The following FAF1 variants were observed in gnomAD, a reference collection of about 807,000 sequenced individuals.
FAF1 encodes FAS-associated factor 1.
Under a neutral mutation model 92.5 loss-of-function variants are expected in FAF1, and 25 were observed. That is an observed-to-expected ratio of 0.27 (90% CI 0.20 to 0.38). FAF1 has a LOEUF of 0.38. FAF1 is among the 10% of genes least tolerant of loss of function. FAF1 has a pLI of 1.00. For missense variants in FAF1, 636 were observed against 793.3 expected (o/e 0.80, Z 2.38); for synonymous variants, 234 against 273.2 (o/e 0.86, Z 1.42).
chr1:50,873,037 C>G (rs1557569067), intron 1 of FAF1, among the ~76,000 whole-genome samples: 1 of 152,196 alleles, frequency 6.6e-6, no homozygotes, highest in East Asian at 1.9e-4. Context: ...CTTTCAGCAA[C>G]CACTATCCTG....
chr1:50,503,252 A>G (rs1647014143), intron 15 of FAF1, among the ~76,000 whole-genome samples: 1 of 152,188 alleles, frequency 6.6e-6, no homozygotes, highest in South Asian at 2.1e-4. Flanking sequence ...AATACAGTAA[A>G]TGCCACTGAA....
intron 7 of FAF1, among the ~76,000 whole-genome samples, chr1:50,659,354 GAA>G (rs949764567): frequency 1.3e-5 from 2 of 152,174 alleles, no homozygotes; most frequent in Admixed American, 1.3e-4. Context: ...GGGAAAGAAA[GAA>G]GAGAGGGAAG....
chr1:50,887,329 C>T (rs1321741109), intron 1 of FAF1, among the ~76,000 whole-genome samples: 1 of 152,120 alleles, frequency 6.6e-6, no homozygotes, highest in African/African-American at 2.4e-5. Context: ...GGTAGGTTGC[C>T]TGTTCACTCT....
chr1:50,530,972 T>C (rs1421230192), intron 15 of FAF1, among the ~76,000 whole-genome samples: 1 of 152,182 alleles, frequency 6.6e-6, no homozygotes, highest in Non-Finnish European at 1.5e-5. Flanking sequence ...GGGAAAAAGT[T>C]ACACACTTGT....
intron 1 of FAF1, among the ~76,000 whole-genome samples, chr1:50,903,503 T>C (rs1379439804): frequency 2.0e-5 from 3 of 152,196 alleles, no homozygotes; most frequent in Non-Finnish European, 4.4e-5. Context: ...AATTAAATGA[T>C]GTATCTTTAG....
intron 7 of FAF1, among the ~76,000 whole-genome samples, chr1:50,693,280 A>G (rs1657019793): frequency 6.6e-6 from 1 of 152,134 alleles, no homozygotes; most frequent in Non-Finnish European, 1.5e-5. Context: ...GTGCATGTAG[A>G]TATCTAGTTG....
chr1:50,904,921 T>A (rs1644823823), intron 1 of FAF1, among the ~76,000 whole-genome samples: 2 of 151,876 alleles, frequency 1.3e-5, no homozygotes, highest in South Asian at 4.1e-4. Flanking sequence ...AGTTCTAGGG[T>A]ACTTGTGCAC....
chr1:50,550,134 G>A (rs1052219232), intron 13 of FAF1, among the ~76,000 whole-genome samples: 2 of 151,936 alleles, frequency 1.3e-5, no homozygotes, highest in Admixed American at 1.3e-4. Context: ...GGCAGACCAC[G>A]AGGTCAGGAG....
intron 13 of FAF1, among the ~76,000 whole-genome samples, chr1:50,542,451 C>A (rs549022324): frequency 2.0e-4 from 31 of 152,234 alleles, no homozygotes; most frequent in African/African-American, 6.3e-4. Flanking sequence ...CAGTTCAAAA[C>A]ATTAGAAGGA....
At chr1:50,589,742 T>C (rs755194660) in intron 9 of FAF1, among the ~76,000 whole-genome samples, 8 of 152,240 alleles carry the variant, frequency 5.3e-5, no homozygotes, top group African/African-American at 7.2e-5. Flanking sequence ...CATACCAAGA[T>C]ATCATTGCCA....
At chr1:50,784,369 AT>A (rs1367016791) in intron 4 of FAF1, among the ~76,000 whole-genome samples, 1 of 152,222 alleles carries the variant, frequency 6.6e-6, no homozygotes, top group Non-Finnish European at 1.5e-5. Context: ...AAATCAACAC[AT>A]AAAAATCAGC....
chr1:50,469,313 T>C (rs1646540796), intron 18 of FAF1: 3 of 152,208 alleles, frequency 2.0e-5, no homozygotes, highest in African/African-American at 7.2e-5. Flanking sequence ...AGACCTCATG[T>C]TCCCCATCTG....
intron 15 of FAF1, 108 bp from the exon 16 acceptor site, chr1:50,491,909 T>A (rs921791651): frequency 2.8e-5 from 21 of 748,354 alleles, no homozygotes; most frequent in Non-Finnish European, 4.2e-5. Flanking sequence ...AACTTATAAT[T>A]AAATAAGAGA....
At chr1:50,760,722 A>G (rs1239329918) in intron 4 of FAF1, among the ~76,000 whole-genome samples, 1 of 152,222 alleles carries the variant, frequency 6.6e-6, no homozygotes, top group Non-Finnish European at 1.5e-5. Flanking sequence ...CTAAATGCCC[A>G]CAAGAGAAAG....
chr1:50,795,337 C>T (rs146022206), intron 3 of FAF1, among the ~76,000 whole-genome samples: 23 of 152,360 alleles, frequency 1.5e-4, no homozygotes, highest in African/African-American at 4.6e-4. Flanking sequence ...AGCAATGCAT[C>T]TGTCAGGACC....
At chr1:50,461,301 T>C (rs1233857509) in intron 18 of FAF1, among the ~76,000 whole-genome samples, 1 of 152,186 alleles carries the variant, frequency 6.6e-6, no homozygotes, top group Non-Finnish European at 1.5e-5. Context: ...GTATCTAGCT[T>C]GGCAGTATGT....
At chr1:50,939,834 G>A (rs1645116452) in intron 1 of FAF1, among the ~76,000 whole-genome samples, 1 of 152,050 alleles carries the variant, frequency 6.6e-6, no homozygotes, top group Admixed American at 6.5e-5. Flanking sequence ...ATTTATTGAA[G>A]GTCATTTTGA....
chr1:50,606,384 A>C (rs1652402870), intron 8 of FAF1, among the ~76,000 whole-genome samples: 1 of 151,986 alleles, frequency 6.6e-6, no homozygotes, highest in Non-Finnish European at 1.5e-5. Flanking sequence ...ACAAATTTAA[A>C]TTATAAAGAG....
chr1:50,835,793 GGTAAGA>G (rs1345321544), intron 2 of FAF1, among the ~76,000 whole-genome samples: 1 of 152,018 alleles, frequency 6.6e-6, no homozygotes, highest in Non-Finnish European at 1.5e-5. Flanking sequence ...GAGCCAATTA[GGTAAGA>G]GTATAGTAAT....
Sources: gnomAD v4.1 joint callset for allele counts (sites outside exome capture counted in the v4.1 genomes callset) on GRCh38, gnomAD v4.1.1 for gene constraint, MANE v1.5 for transcripts, NCBI Gene and HGNC (gene_info 2026-07-23, HGNC 2026-07-21) for gene names.